Variants in SIPA1L2 observed in about 807,000 individuals in gnomAD.
SIPA1L2 encodes signal induced proliferation associated 1 like 2.
SIPA1L2 carries 56 observed loss-of-function variants against 163.9 expected under a neutral mutation model. That is an observed-to-expected ratio of 0.34 (90% CI 0.28 to 0.43). The LOEUF (loss-of-function observed/expected upper bound fraction) is 0.43, where lower values mean the gene tolerates loss of function less well. Among genes scored for constraint, SIPA1L2 ranks in the 20% least tolerant of loss-of-function variants. The probability of loss-of-function intolerance (pLI) is 1.00; values close to 1 mark genes in which losing one functional copy is unlikely to be tolerated. For synonymous variants in SIPA1L2, 877 were observed against 865.7 expected, an observed-to-expected ratio of 1.01 and a Z score of -0.23; for missense variants, 1,974 against 2,193.5, an observed-to-expected ratio of 0.90 and a Z score of 2.00.
At chr1:232,435,772 C>G (rs1048927079) in intron 15 of SIPA1L2, among the ~76,000 whole-genome samples, 1 of 152,208 alleles carries the variant, frequency 6.6e-6, no homozygotes, top group African/African-American at 2.4e-5. Flanking sequence ...AAGAACTGAA[C>G]AGCAGGAGAA....
chr1:232,441,239 G>A, intron 14 of SIPA1L2, 52 bp downstream of exon 14: 1 of 1,390,136 alleles, frequency 7.2e-7, no homozygotes, highest in Non-Finnish European at 9.8e-7. Context: ...TGTGTGCTGA[G>A]ACAGATCAGT....
chr1:232,570,308 G>A (rs1348195204), intron 2 of SIPA1L2, among the ~76,000 whole-genome samples: 7 of 152,224 alleles, frequency 4.6e-5, no homozygotes, highest in East Asian at 1.9e-4. Flanking sequence ...TCCTAACTTC[G>A]CCAATGGGAA....
chr1:232,432,150 T>A lies in SIPA1L2; in HGVS notation c.4256+97A>T, dbSNP rs550077594. 139 of 988,920 alleles carry A rather than the reference T, an allele frequency of 1.4e-4. No homozygotes were observed. The East Asian group carries it at 2.6e-3, about 18-fold the overall frequency. The allele number at this position is 988,920 out of a possible 1,614,324, so 61.3% of individuals were successfully genotyped here. Reference sequence around the variant, plus strand: ...GAAAGATGTTTTTAGATTATTCTTTTTTAGAAAATACATTTCCTTTGGGAG... The same window carrying A: ...GAAAGATGTTTTTAGATTATTCTTTATTAGAAAATACATTTCCTTTGGGAG... On this transcript the variant is annotated intron_variant, in intron 16 of 22. Coordinates refer to ENST00000674635, the MANE Select transcript of SIPA1L2 (RefSeq NM_020808.5).
At chr1:232,618,129 T>C (rs1240202003) in intron 1 of SIPA1L2, among the ~76,000 whole-genome samples, 2 of 152,152 alleles carry the variant, frequency 1.3e-5, no homozygotes, top group African/African-American at 4.8e-5. Context: ...GGAAAGTATA[T>C]GGTGATTACA....
At chr1:232,427,882 G>C (rs573698859) in intron 17 of SIPA1L2, among the ~76,000 whole-genome samples, 1 of 152,178 alleles carries the variant, frequency 6.6e-6, no homozygotes, top group Non-Finnish European at 1.5e-5. Context: ...CTCCAGTTCA[G>C]TTCTGGAACA....
intron 2 of SIPA1L2, among the ~76,000 whole-genome samples, chr1:232,560,300 T>G (rs955111741): frequency 6.6e-6 from 1 of 152,194 alleles, no homozygotes; most frequent in Non-Finnish European, 1.5e-5. Flanking sequence ...ACCAAAACAT[T>G]AGTAAGAAAT....
In SIPA1L2 at chr1:232,441,377, G is replaced by C; in HGVS notation, c.3556C>G (p.Pro1186Ala). 1 of 1,601,042 alleles carries C rather than the reference G, an allele frequency of 6.2e-7. No individual in the cohort carries two copies. The change falls in exon 14 of 23, where the codon CCA becomes GCA. Residue 1186 changes from proline (P) to alanine (A), a missense_variant. Physicochemically the swap from Pro to Ala is conservative, Grantham distance 27. Coordinates refer to ENST00000674635, the MANE Select transcript of SIPA1L2 (RefSeq NM_020808.5). ...TAGGAACCCAGGACTTTGGAAGGTG[G>C]GCCATGCCATTTGGTTTCTGTCACA... ...SRHPETKWHG[P>A]PSKVLGSYKE...
At chr1:232,626,012 G>A (rs961083997) in intron 1 of SIPA1L2, among the ~76,000 whole-genome samples, 1 of 152,292 alleles carries the variant, frequency 6.6e-6, no homozygotes, top group East Asian at 1.9e-4. Flanking sequence ...CACGAGTGGG[G>A]TAATTTTAAC....
intron 3 of SIPA1L2, among the ~76,000 whole-genome samples, chr1:232,505,452 T>C (rs144153018): frequency 6.6e-5 from 10 of 152,360 alleles, no homozygotes; most frequent in African/African-American, 1.9e-4. Context: ...ATATTAAGTC[T>C]TATTCCTTTT....
intron 1 of SIPA1L2, among the ~76,000 whole-genome samples, chr1:232,575,102 C>T (rs1183333117): frequency 2.0e-5 from 3 of 152,172 alleles, no homozygotes; most frequent in East Asian, 1.9e-4. Context: ...TACAGCCAAG[C>T]GCCCTAGGGC....
intron 1 of SIPA1L2, among the ~76,000 whole-genome samples, chr1:232,601,442 A>C (rs969410028): frequency 1.3e-5 from 2 of 152,220 alleles, no homozygotes; most frequent in Non-Finnish European, 1.5e-5. Flanking sequence ...GCATTCTTCC[A>C]AAGTTTAAAA....
chr1:232,484,855 C>A (rs778591396), intron 5 of SIPA1L2, among the ~76,000 whole-genome samples: 2 of 152,210 alleles, frequency 1.3e-5, no homozygotes, highest in Admixed American at 1.3e-4. Context: ...CAGACATCGC[C>A]AATTCTCTAA....
intron 2 of SIPA1L2, among the ~76,000 whole-genome samples, chr1:232,555,345 C>T (rs986017110): frequency 6.6e-6 from 1 of 152,150 alleles, no homozygotes; most frequent in African/African-American, 2.4e-5. Flanking sequence ...TGCTTTGCCC[C>T]CCTAAAGCCA....
At chr1:232,472,973 GGTCAAA>G (rs1368969886) in intron 7 of SIPA1L2, among the ~76,000 whole-genome samples, 1 of 152,092 alleles carries the variant, frequency 6.6e-6, no homozygotes, top group Non-Finnish European at 1.5e-5. Context: ...AAATCCCCAT[GGTCAAA>G]GTTATAAACA....
At chr1:232,413,715 CA>C (rs1661086497) in intron 19 of SIPA1L2, among the ~76,000 whole-genome samples, 1 of 152,160 alleles carries the variant, frequency 6.6e-6, no homozygotes, top group Non-Finnish European at 1.5e-5. Flanking sequence ...ATAAAAGAGG[CA>C]GCCTTCTCTT....
At chr1:232,428,381 G>C (rs1280757647) in intron 17 of SIPA1L2, 30 bp downstream of exon 17, 3 of 1,133,636 alleles carry the variant, frequency 2.6e-6, no homozygotes, top group Non-Finnish European at 3.5e-6. Context: ...TAGTGTTTCT[G>C]GTAACTTCAA....
intron 1 of SIPA1L2, among the ~76,000 whole-genome samples, chr1:232,593,953 C>G: frequency 6.6e-6 from 1 of 152,342 alleles, no homozygotes; most frequent in Non-Finnish European, 1.5e-5. Context: ...CAAGCTCAGG[C>G]CCCTCAGTCA....
chr1:232,628,371 C>T (rs867846741), intron 1 of SIPA1L2, among the ~76,000 whole-genome samples: 61 of 152,194 alleles, frequency 4.0e-4, no homozygotes, highest in African/African-American at 1.4e-3. Context: ...TTAAGAAAGA[C>T]TGCATTTTTC....
At chr1:232,478,328 T>C (rs1471704689) in intron 7 of SIPA1L2, among the ~76,000 whole-genome samples, 1 of 151,994 alleles carries the variant, frequency 6.6e-6, no homozygotes, top group Admixed American at 6.5e-5. Flanking sequence ...AGATGGAAAA[T>C]GGCAAGAAAA....
Sources: gnomAD v4.1 joint callset for allele counts (sites outside exome capture counted in the v4.1 genomes callset) on GRCh38, gnomAD v4.1.1 for gene constraint, MANE v1.5 for transcripts, NCBI Gene and HGNC (gene_info 2026-07-23, HGNC 2026-07-21) for gene names.